Variants in BACH2 observed in about 807,000 individuals in gnomAD.
BACH2 encodes the protein transcription regulator protein BACH2.
In BACH2, 5 loss-of-function variants were observed where a neutral mutation model predicts 61.8. The observed-to-expected ratio is 0.08, with a 90% confidence interval of 0.04 to 0.17. BACH2 has a LOEUF of 0.17. Among genes scored for constraint, BACH2 ranks in the 10% least tolerant of loss-of-function variants. BACH2 has a pLI of 1.00. For missense variants in BACH2, 824 were observed against 1,091.1 expected (o/e 0.76, Z 3.45); for synonymous variants, 446 against 440.1 (o/e 1.01, Z -0.17).
intron 3 of BACH2, among the ~76,000 whole-genome samples, chr6:90,225,033 C>T (rs1374604719): frequency 4.6e-5 from 7 of 152,092 alleles, no homozygotes; most frequent in African/African-American, 1.7e-4. Context: ...GCACCTGCCA[C>T]GAGGCACTGT....
intron 6 of BACH2, among the ~76,000 whole-genome samples, chr6:90,005,845 T>A (rs1777376980): frequency 6.6e-6 from 1 of 152,358 alleles, no homozygotes; most frequent in South Asian, 2.1e-4. Context: ...AACCAGAATG[T>A]TTCAATGGTT....
intron 5 of BACH2, among the ~76,000 whole-genome samples, chr6:90,057,688 C>T (rs1299913684): frequency 6.6e-6 from 1 of 152,156 alleles, no homozygotes; most frequent in Admixed American, 6.5e-5. Flanking sequence ...GAATTTTAGA[C>T]CAATATCCTT....
At chr6:90,107,998 A>G (rs952933683) in intron 4 of BACH2, among the ~76,000 whole-genome samples, 3 of 152,218 alleles carry the variant, frequency 2.0e-5, no homozygotes, top group African/African-American at 7.2e-5. Flanking sequence ...AATATTTACC[A>G]TATCTATTTA....
chr6:90,054,424 C>A (rs1260893882), intron 5 of BACH2, among the ~76,000 whole-genome samples: 1 of 152,158 alleles, frequency 6.6e-6, no homozygotes, highest in African/African-American at 2.4e-5. Context: ...GGGGGAGGGG[C>A]GCCCACCACT....
Position 89,984,547 on chromosome 6 carries a change from A to G in BACH2, c.243+24055T>C, listed in dbSNP as rs572395555. ...GAATAGGTGAGTGAAAGAAGCAGACACAAGTGTGTTCATCTACAGGTACTG... is the reference window on the plus strand; with the variant it reads ...GAATAGGTGAGTGAAAGAAGCAGACGCAAGTGTGTTCATCTACAGGTACTG... On this transcript the variant is annotated intron_variant, in intron 6 of 8. Coordinates refer to ENST00000257749, the MANE Select transcript of BACH2 (RefSeq NM_021813.4). 3.5e-4 allele frequency among the ~76,000 whole-genome samples: 53 copies of G among 152,264 alleles called. No homozygotes were observed. The South Asian group carries it at 9.8e-3, about 28-fold the overall frequency.
chr6:89,954,950 T>G (rs1184151791), intron 6 of BACH2, among the ~76,000 whole-genome samples: 3 of 152,246 alleles, frequency 2.0e-5, no homozygotes, highest in African/African-American at 7.2e-5. Flanking sequence ...CTAGCTCTTC[T>G]CCCATTCTGG....
At chr6:89,998,417 T>C (rs909045890) in intron 6 of BACH2, among the ~76,000 whole-genome samples, 7 of 152,166 alleles carry the variant, frequency 4.6e-5, no homozygotes, top group African/African-American at 1.7e-4. Flanking sequence ...ACAGAGACTG[T>C]CAACATATTT....
intron 3 of BACH2, among the ~76,000 whole-genome samples, chr6:90,223,102 T>C (rs1769794494): frequency 6.6e-6 from 1 of 152,204 alleles, no homozygotes; most frequent in South Asian, 2.1e-4. Context: ...CATTGCTCCA[T>C]CCATGAGACG....
rs1436720146 is a variant in BACH2 at position 90,252,598 on chromosome 6, A to C, written c.-352-8T>G. 1 of 152,206 alleles carries C rather than the reference A, an allele frequency of 6.6e-6. No individual in the cohort carries two copies. Among genetic ancestry groups the C allele is most frequent in the Non-Finnish European group, 1.5e-5 (1 of 68,036 alleles). The allele number at this position is 152,206 out of a possible 1,614,324, so 9.4% of individuals were successfully genotyped here. ...CAACAGCAACACTCTTATCTAAAGC[A>C]AAAGTAATGGATATGATTATCACTC... On this transcript the variant is annotated splice_region_variant and splice_polypyrimidine_tract_variant and intron_variant, in intron 2 of 8. Coordinates refer to ENST00000257749, the MANE Select transcript of BACH2 (RefSeq NM_021813.4).
intron 3 of BACH2, among the ~76,000 whole-genome samples, chr6:90,222,620 G>A (rs1769771466): frequency 6.6e-6 from 1 of 152,192 alleles, no homozygotes; most frequent in Non-Finnish European, 1.5e-5. Flanking sequence ...GTAGAATGCA[G>A]TGTCACTTAT....
Position 90,024,038 on chromosome 6 carries a change from G to A in BACH2, c.-12-15182C>T, listed in dbSNP as rs139517237. Among the ~76,000 whole-genome samples the A allele has an allele frequency of 2.3e-3, 346 of 152,334 alleles. 1 individual carries two copies. Among genetic ancestry groups the A allele is most frequent in the African/African-American group, 6.9e-3 (285 of 41,562 alleles). ...GTTCACCAGAAAGGGACACCGTGGG[G>A]TTTCAGGGGTGCTGTTGCATGCTCT... On this transcript the variant is annotated intron_variant, in intron 5 of 8. Coordinates refer to ENST00000257749, the MANE Select transcript of BACH2 (RefSeq NM_021813.4).
At position 89,927,986 on chromosome 6, in the gene BACH2, G is replaced by C. The variant is rs185638578; in HGVS notation, c.*4422C>G. 1 of 152,330 alleles carries C rather than the reference G, an allele frequency of 6.6e-6. No homozygotes were observed. Among genetic ancestry groups the C allele is most frequent in the Non-Finnish European group, 1.5e-5 (1 of 68,040 alleles). The allele number at this position is 152,330 out of a possible 1,614,324, so 9.4% of individuals were successfully genotyped here. ...CAACACACAATGCCTCGTGCACACA[G>C]ATTTCCTGTATGAATACCAACTCCA... On this transcript the variant is annotated 3_prime_UTR_variant, in exon 9 of 9. Coordinates refer to ENST00000257749, the MANE Select transcript of BACH2 (RefSeq NM_021813.4).
At chr6:90,121,755 A>G (rs1235036237) in intron 4 of BACH2, among the ~76,000 whole-genome samples, 2 of 152,182 alleles carry the variant, frequency 1.3e-5, no homozygotes, top group Non-Finnish European at 2.9e-5. Context: ...CATGTTGGTC[A>G]GGCTGGTCTC....
At chr6:90,167,640 T>A (rs1767674736) in intron 4 of BACH2, among the ~76,000 whole-genome samples, 1 of 152,252 alleles carries the variant, frequency 6.6e-6, no homozygotes, top group African/African-American at 2.4e-5. Context: ...GTTATAGGCA[T>A]GAGCCACTGC....
At chr6:90,074,808 G>C (rs1781397622) in intron 5 of BACH2, among the ~76,000 whole-genome samples, 1 of 152,148 alleles carries the variant, frequency 6.6e-6, no homozygotes, top group Admixed American at 6.6e-5. Flanking sequence ...ACTAAGAATA[G>C]CTTCTGAATG....
intron 1 of BACH2, among the ~76,000 whole-genome samples, chr6:90,281,519 C>T (rs1340707787): frequency 6.6e-6 from 1 of 152,150 alleles, no homozygotes; most frequent in East Asian, 1.9e-4. Context: ...ACTCCTTCAC[C>T]TCTGGAGGTA....
Position 89,932,693 on chromosome 6 carries a change from C to T in BACH2, c.2241G>A (p.Ala747=), listed in dbSNP as rs147649326. The change falls in exon 9 of 9, where the codon GCG becomes GCA. Residue 747 remains alanine (A), a synonymous_variant. Coordinates refer to ENST00000257749, the MANE Select transcript of BACH2 (RefSeq NM_021813.4). ...CAATGTTCTGCTCAGCACCCAAGGG[C>T]GCAGGGTTAATACTGGAGGCCGTGG... ...DLPTASSINP[A]PLGAEQNIAA... The T allele has an allele frequency of 1.2e-4, 189 of 1,614,088 alleles. No homozygotes were observed. In the African/African-American group the frequency reaches 1.7e-3, roughly 14 times the overall value.
intron 4 of BACH2, among the ~76,000 whole-genome samples, chr6:90,203,247 C>CA (rs1278891455): frequency 4.0e-5 from 6 of 150,950 alleles, no homozygotes; most frequent in African/African-American, 1.5e-4. Flanking sequence ...CCCATCTCTA[C>CA]AAAAAATACA....
intron 6 of BACH2, among the ~76,000 whole-genome samples, chr6:89,980,588 C>T (rs1775896835): frequency 1.3e-5 from 2 of 152,192 alleles, no homozygotes; most frequent in African/African-American, 4.8e-5. Flanking sequence ...CAGTGGCCAC[C>T]ATCTAGAGGG....
Sources: allele counts gnomAD v4.1 joint callset (sites outside exome capture counted in the v4.1 genomes callset), GRCh38; gene constraint gnomAD v4.1.1; transcripts MANE v1.5; gene names NCBI Gene and HGNC (gene_info 2026-07-23, HGNC 2026-07-21).